SGIP1: variants seen among roughly 807,000 people sequenced by gnomAD.
SGIP1 encodes the protein SH3GL interacting endocytic adaptor 1.
In SGIP1, 38 loss-of-function variants were observed where a neutral mutation model predicts 107.5. The observed-to-expected ratio is 0.35, with a 90% confidence interval of 0.27 to 0.46. SGIP1 has a LOEUF of 0.46. Among genes scored for constraint, SGIP1 ranks in the 20% least tolerant of loss-of-function variants. The probability of loss-of-function intolerance (pLI) is 1.00; values close to 1 mark genes in which losing one functional copy is unlikely to be tolerated. For missense variants in SGIP1, 929 were observed against 1,019.5 expected (o/e 0.91, Z 1.21); for synonymous variants, 365 against 366.1 (o/e 1.00, Z 0.03).
chr1:66,696,053 C>T (rs900716254), intron 18 of SGIP1, among the ~76,000 whole-genome samples: 3 of 152,154 alleles, frequency 2.0e-5, no homozygotes, highest in African/African-American at 7.2e-5. Context: ...CCTGAAATTG[C>T]AATTGAGATG....
At chr1:66,684,256 T>C (rs2087637136) in intron 15 of SGIP1, 2 of 1,547,344 alleles carry the variant, frequency 1.3e-6, no homozygotes, top group African/African-American at 1.4e-5. Flanking sequence ...GGTTTGGTCA[T>C]AAATATTCCA....
At chr1:66,735,440 C>T (rs1028577180) in intron 21 of SGIP1, among the ~76,000 whole-genome samples, 2 of 151,904 alleles carry the variant, frequency 1.3e-5, no homozygotes, top group Non-Finnish European at 2.9e-5. Flanking sequence ...GTCTTGAACT[C>T]CCAGCCTCAG....
intron 9 of SGIP1, 105 bp from the exon 10 acceptor site, chr1:66,670,890 T>C (rs536342442): frequency 4.1e-5 from 21 of 512,974 alleles, no homozygotes; most frequent in Non-Finnish European, 6.4e-5. Flanking sequence ...CATTTCCCTA[T>C]CTGCATTTAT....
Position 66,605,057 on chromosome 1 carries a change from C to A in SGIP1, c.11-20790C>A, listed in dbSNP as rs74085179. On this transcript the variant is annotated intron_variant, in intron 1 of 24. Transcript: ENST00000371037. ...TTCCCTGCTATGTACAAATCTAACC[C>A]CATAAATGTTTCACTAACATTACAT... is the stretch of plus-strand genomic sequence containing the variant. 3.4e-3 allele frequency among the ~76,000 whole-genome samples: 518 copies of A among 152,218 alleles called. 2 individuals are homozygous for A. The highest frequency in any genetic ancestry group is 0.011 in the African/African-American group (452 of 41,528).
intron 1 of SGIP1, among the ~76,000 whole-genome samples, chr1:66,606,505 C>T (rs1400592919): frequency 6.6e-6 from 1 of 152,100 alleles, no homozygotes; most frequent in Admixed American, 6.5e-5. Context: ...GATGACTAGA[C>T]CAGCCAGAGG....
chr1:66,681,765 G>T lies in SGIP1; in HGVS notation c.815-104G>T, dbSNP rs906637100. The T allele has an allele frequency of 2.5e-6, 3 of 1,199,196 alleles. No individual in the cohort carries two copies. The Admixed American group carries it at 7.0e-5, about 28-fold the overall frequency. The allele number at this position is 1,199,196 out of a possible 1,614,324, so 74.3% of individuals were successfully genotyped here. A position where few individuals can be genotyped will look rare whatever the true frequency, so the allele number is the denominator to read the frequency against. ...TTACATCATGAAGTATGCCCACTGA[G>T]GCACCTCAGACACCAATGTATTTTC... On this transcript the variant is annotated intron_variant, in intron 14 of 24. Coordinates refer to ENST00000371037, the MANE Select transcript of SGIP1 (RefSeq NM_032291.4).
At chr1:66,534,118 C>G (rs1267847801), upstream of SGIP1, 7 of 590,020 alleles carry the variant, frequency 1.2e-5, no homozygotes, top group Non-Finnish European at 2.1e-5. Flanking sequence ...CGGTGCAGCT[C>G]GGCCAGCTTG....
At chr1:66,687,697 T>TAACA (rs1409125487) in intron 15 of SGIP1, among the ~76,000 whole-genome samples, 1 of 152,158 alleles carries the variant, frequency 6.6e-6, no homozygotes, top group East Asian at 1.9e-4. Context: ...CATAGATACC[T>TAACA]AACAATACCT....
intron 8 of SGIP1, chr1:66,666,840 C>G (rs1028344540): frequency 2.0e-5 from 3 of 152,176 alleles, no homozygotes; most frequent in African/African-American, 7.2e-5. Flanking sequence ...CTAAGGTCAT[C>G]TGGTCCACCA....
At chr1:66,719,838 TGAGAACATGAAAGAAAAAACAC>T (rs1450763899) in intron 19 of SGIP1, among the ~76,000 whole-genome samples, 1 of 152,092 alleles carries the variant, frequency 6.6e-6, no homozygotes, top group Non-Finnish European at 1.5e-5. Context: ...TTCACTGGGA[TGAGAACATGAAAGAAAAAACAC>T]CTTCTCAAAA....
At chr1:66,689,552 A>G (rs962782613) in intron 16 of SGIP1, among the ~76,000 whole-genome samples, 8 of 152,250 alleles carry the variant, frequency 5.3e-5, no homozygotes, top group Non-Finnish European at 8.8e-5. Flanking sequence ...ATTCATAGAA[A>G]GAGAGGTGTT....
intron 13 of SGIP1, among the ~76,000 whole-genome samples, chr1:66,678,213 A>G (rs1378117053): frequency 2.0e-5 from 3 of 152,198 alleles, no homozygotes; most frequent in Non-Finnish European, 2.9e-5. Context: ...TTCCTTGAAA[A>G]GCTTTCTTTA....
At chr1:66,696,355 A>AT (rs1452548141) in intron 18 of SGIP1, among the ~76,000 whole-genome samples, 2 of 152,172 alleles carry the variant, frequency 1.3e-5, no homozygotes, top group Non-Finnish European at 2.9e-5. Flanking sequence ...GCTTTCTAGG[A>AT]TTTTAAATAG....
intron 1 of SGIP1, among the ~76,000 whole-genome samples, chr1:66,556,777 T>A (rs1372018313): frequency 1.3e-5 from 2 of 151,980 alleles, no homozygotes; most frequent in African/African-American, 4.8e-5. Context: ...GCTAAAATGA[T>A]CTGTAATACA....
chr1:66,742,531 G>A (rs1394383609), intron 24 of SGIP1, among the ~76,000 whole-genome samples: 15 of 122,464 alleles, frequency 1.2e-4, no homozygotes, highest in Non-Finnish European at 1.6e-4. Flanking sequence ...GTGCAGTGGC[G>A]CTATCCCGGC....
At chr1:66,643,516 G>A (rs759299618) in intron 6 of SGIP1, 28 bp from the exon 7 acceptor site, 4 of 1,575,848 alleles carry the variant, frequency 2.5e-6, no homozygotes, top group African/African-American at 1.4e-5. Flanking sequence ...GTAGAAGAAA[G>A]AGTTATGTAT....
chr1:66,571,815 C>T (rs1298794457), intron 1 of SGIP1, among the ~76,000 whole-genome samples: 1 of 150,830 alleles, frequency 6.6e-6, no homozygotes, highest in Non-Finnish European at 1.5e-5. Flanking sequence ...CACCATATGC[C>T]TTTTCATGAC....
intron 18 of SGIP1, among the ~76,000 whole-genome samples, chr1:66,696,514 A>G (rs768109071): frequency 1.3e-5 from 2 of 152,228 alleles, no homozygotes; most frequent in Non-Finnish European, 2.9e-5. Flanking sequence ...AAAAATCAGA[A>G]TGGCTGATAT....
rs571492310 is a variant in SGIP1, at chr1:66,593,792, C to G, written c.11-32055C>G. 7.2e-5 allele frequency among the ~76,000 whole-genome samples: 11 copies of G among 152,266 alleles called. No individual in the cohort carries two copies. In the East Asian group the frequency reaches 1.7e-3, roughly 24 times the overall value. ...ACCAAAAAAGATATAAAAACAAACCCAGCTGCGGCCCATTTCGGGTCCTCA... is the reference window on the plus strand; with the variant it reads ...ACCAAAAAAGATATAAAAACAAACCGAGCTGCGGCCCATTTCGGGTCCTCA... On this transcript the variant is annotated intron_variant, in intron 1 of 24. Transcript: ENST00000371037.
Sources: gnomAD v4.1 joint callset for allele counts (sites outside exome capture counted in the v4.1 genomes callset) on GRCh38, gnomAD v4.1.1 for gene constraint, MANE v1.5 for transcripts, NCBI Gene and HGNC (gene_info 2026-07-23, HGNC 2026-07-21) for gene names.